The following ZBTB25 variants were observed in gnomAD, a reference collection of about 807,000 sequenced individuals.
ZBTB25 encodes the protein zinc finger and BTB domain containing 25.
In ZBTB25, 20 loss-of-function variants were observed where a neutral mutation model predicts 34.2. That is an observed-to-expected ratio of 0.58 (90% CI 0.41 to 0.85). The LOEUF (loss-of-function observed/expected upper bound fraction) is 0.85. Ranked by LOEUF, ZBTB25 falls within the 40% of genes least tolerant of loss-of-function variation. ZBTB25 has a pLI of 0.00. For synonymous variants in ZBTB25, 175 were observed against 186.4 expected, an observed-to-expected ratio of 0.94 and a Z score of 0.50; for missense variants, 437 against 521.8, an observed-to-expected ratio of 0.84 and a Z score of 1.58.
intron 1 of ZBTB25, among the ~76,000 whole-genome samples, chr14:64,494,333 A>G (rs981406491): frequency 2.0e-5 from 3 of 152,226 alleles, no homozygotes; most frequent in Non-Finnish European, 4.4e-5. Flanking sequence ...TGCAGGGGAT[A>G]TTAGAAACCA....
chr14:64,495,594 T>C (rs879619846), intron 1 of ZBTB25, among the ~76,000 whole-genome samples: 5 of 152,266 alleles, frequency 3.3e-5, no homozygotes, highest in Non-Finnish European at 5.9e-5. Flanking sequence ...TATTCATTGC[T>C]GTTCTCCTCT....
At chr14:64,495,693 A>G (rs1028171522) in intron 1 of ZBTB25, among the ~76,000 whole-genome samples, 25 of 152,352 alleles carry the variant, frequency 1.6e-4, no homozygotes, top group African/African-American at 5.8e-4. Flanking sequence ...GTAGTGGCTC[A>G]TGCCTGTAAT....
At chr14:64,476,834 A>T (rs1487057754), downstream of ZBTB25, among the ~76,000 whole-genome samples, 1 of 152,170 alleles carries the variant, frequency 6.6e-6, no homozygotes, top group African/African-American at 2.4e-5. Flanking sequence ...TTTGTTTAGA[A>T]TTCTTTAAAA....
chr14:64,483,777 T>C lies in ZBTB25; in HGVS notation c.*3146A>G, dbSNP rs1596606082. The C allele has an allele frequency of 6.6e-6, 1 of 151,654 alleles. No homozygotes were observed. The highest frequency in any genetic ancestry group is 2.1e-4 in the South Asian group (1 of 4,814). 9.4% of individuals were successfully genotyped at this position (151,654 alleles called of 1,614,324 possible). A position where few individuals can be genotyped will look rare whatever the true frequency, so the allele number is the denominator to read the frequency against. On this transcript the variant is annotated 3_prime_UTR_variant, in exon 3 of 3. Transcript: ENST00000608382. Reference sequence around the variant, plus strand: ...GAGCTCGAGACCATCCTGGCCAACATGGTGAAACCCTGTCTCTACTAAAAA... The same window carrying C: ...GAGCTCGAGACCATCCTGGCCAACACGGTGAAACCCTGTCTCTACTAAAAA...
chr14:64,475,952 T>C (rs181486235), downstream of ZBTB25, among the ~76,000 whole-genome samples: 32 of 152,330 alleles, frequency 2.1e-4, no homozygotes, highest in Admixed American at 1.7e-3. Context: ...AGTGCTACTA[T>C]GGGAGAAGGA....
chr14:64,475,698 G>A (rs2078713770), downstream of ZBTB25, among the ~76,000 whole-genome samples: 1 of 152,158 alleles, frequency 6.6e-6, no homozygotes, highest in Admixed American at 6.5e-5. Flanking sequence ...CACATTCACA[G>A]AAAATCCTCT....
intron 2 of ZBTB25, among the ~76,000 whole-genome samples, chr14:64,490,076 C>T (rs1244545765): frequency 6.7e-6 from 1 of 150,286 alleles, no homozygotes; most frequent in African/African-American, 2.4e-5. Flanking sequence ...GGCGTGGTGG[C>T]AGGCGCCTGT....
chr14:64,490,208 CAAAAAAAAAAAAAAAAA>C (rs61367816), intron 2 of ZBTB25, among the ~76,000 whole-genome samples, 136 bp downstream of exon 2: 7 of 90,932 alleles, frequency 7.7e-5, no homozygotes, highest in African/African-American at 4.3e-4. Context: ...ACTCTGTCGC[CAAAAAAAAAAAAAAAAA>C]AAAAAAAAAA....
chr14:64,462,916 A>G (rs1429515876), intron 2 of ZBTB25: 1 of 152,206 alleles, frequency 6.6e-6, no homozygotes, highest in African/African-American at 2.4e-5. Context: ...TTTGGTAGCT[A>G]TAGGCCCAGG....
intron 2 of ZBTB25, chr14:64,453,807 T>C (rs2078418812): frequency 5.0e-6 from 8 of 1,613,362 alleles, no homozygotes; most frequent in Non-Finnish European, 6.8e-6. Flanking sequence ...ATGGAGCAGA[T>C]GACATTGAAT....
intron 1 of ZBTB25, chr14:64,502,848 A>G (rs939770297): frequency 5.1e-6 from 5 of 979,642 alleles, no homozygotes; most frequent in African/African-American, 1.8e-5. Flanking sequence ...CAGATTTTCT[A>G]TAAGGCACCT....
chr14:64,504,657 G>T (rs1252714430), upstream of ZBTB25: 1 of 344,782 alleles, frequency 2.9e-6, no homozygotes, highest in Non-Finnish European at 5.2e-6. Flanking sequence ...GAGAGGGAGG[G>T]GAAGGCTGGC....
chr14:64,469,475 C>CA, intron 2 of ZBTB25: 1 of 1,613,164 alleles, frequency 6.2e-7, no homozygotes, highest in Non-Finnish European at 8.5e-7. Context: ...TGTCCCTAAG[C>CA]AATTCTTAAT....
At chr14:64,470,800 T>C (rs965775146) in intron 2 of ZBTB25, 1 of 166,992 alleles carries the variant, frequency 6.0e-6, no homozygotes, top group African/African-American at 2.4e-5. Context: ...GGAATATTAT[T>C]CTTCATCCAG....
chr14:64,490,631 AC>A, intron 1 of ZBTB25, 91 bp from the exon 2 acceptor site: 1 of 1,182,106 alleles, frequency 8.5e-7, no homozygotes, highest in Non-Finnish European at 1.2e-6. Context: ...GTTCACACAA[AC>A]CTACAGAGTA....
intron 2 of ZBTB25, chr14:64,454,811 T>C: frequency 6.2e-7 from 1 of 1,614,238 alleles, no homozygotes; most frequent in Non-Finnish European, 8.5e-7. Context: ...ACAGGCTTCA[T>C]TCTGCCCATT....
downstream of ZBTB25, among the ~76,000 whole-genome samples, chr14:64,476,321 A>G (rs1201495508): frequency 6.6e-6 from 1 of 152,204 alleles, no homozygotes; most frequent in Non-Finnish European, 1.5e-5. Flanking sequence ...TTCCAAAACT[A>G]GAGTATTTCT....
Position 64,480,453 on chromosome 14 carries a change from A to G in ZBTB25, c.*6470T>C. ...TAGGACGTCAATTTTCGATTAACACAGATTATGGTCGGTAAGAATTAGGTC... is the reference window on the plus strand; with the variant it reads ...TAGGACGTCAATTTTCGATTAACACGGATTATGGTCGGTAAGAATTAGGTC... On this transcript the variant is annotated 3_prime_UTR_variant, in exon 3 of 3. Coordinates refer to ENST00000608382, the MANE Select transcript of ZBTB25 (RefSeq NM_006977.5). The G allele has an allele frequency of 2.9e-6, 1 of 342,740 alleles. No individual in the cohort carries two copies. Among genetic ancestry groups the G allele is most frequent in the Non-Finnish European group, 5.7e-6 (1 of 176,714 alleles). The allele number at this position is 342,740 out of a possible 1,614,324, so 21.2% of individuals were successfully genotyped here.
chr14:64,489,599 G>C (rs61985667), intron 2 of ZBTB25, among the ~76,000 whole-genome samples: 1 of 149,914 alleles, frequency 6.7e-6, no homozygotes, highest in Non-Finnish European at 1.5e-5. Context: ...GCAGTGGCGC[G>C]ATCTCGGCTC....
Sources: allele counts gnomAD v4.1 joint callset (sites outside exome capture counted in the v4.1 genomes callset), GRCh38; gene constraint gnomAD v4.1.1; transcripts MANE v1.5; gene names NCBI Gene and HGNC (gene_info 2026-07-23, HGNC 2026-07-21).